Variants in SAMTOR observed in about 807,000 individuals in gnomAD.
SAMTOR encodes S-adenosylmethionine sensor upstream of mTORC1.
chr7:112,823,973 G>A, the SAMTOR span, among the ~76,000 whole-genome samples: 1 of 152,168 alleles, frequency 6.6e-6, no homozygotes, highest in Middle Eastern at 3.2e-3. Flanking sequence ...CTATGTTAAA[G>A]TGTCTGTTCA....
the SAMTOR span, among the ~76,000 whole-genome samples, chr7:112,898,809 T>TG: frequency 1.3e-5 from 2 of 152,208 alleles, no homozygotes; most frequent in African/African-American, 4.8e-5. Context: ...ACTTCTCCCT[T>TG]ATCTTCAAGT....
At chr7:112,890,248 G>A in the SAMTOR span, among the ~76,000 whole-genome samples, 6 of 152,152 alleles carry the variant, frequency 3.9e-5, no homozygotes, top group South Asian at 2.1e-4. Flanking sequence ...CTGGAAGAGG[G>A]TGGAAGCCTT....
the SAMTOR span, among the ~76,000 whole-genome samples, chr7:112,890,232 A>G: frequency 6.6e-6 from 1 of 152,198 alleles, no homozygotes; most frequent in South Asian, 2.1e-4. Context: ...ATCAAGACGC[A>G]CTCTACTGGA....
the SAMTOR span, among the ~76,000 whole-genome samples, chr7:112,906,256 G>A: frequency 4.0e-4 from 61 of 152,280 alleles, 1 homozygote; most frequent in Middle Eastern, 6.8e-3. Context: ...GTAGGCCACT[G>A]TAACACAATT....
chr7:112,877,979 C>A, the SAMTOR span, among the ~76,000 whole-genome samples: 1 of 152,162 alleles, frequency 6.6e-6, no homozygotes. Context: ...AATTAAACCT[C>A]TTTTCTTGTA....
the SAMTOR span, among the ~76,000 whole-genome samples, chr7:112,919,399 A>G: frequency 6.6e-6 from 1 of 152,200 alleles, no homozygotes; most frequent in East Asian, 1.9e-4. Flanking sequence ...TTTGAAACCA[A>G]CGAGAACAAA....
chr7:112,939,696 G>A, the SAMTOR span: 1 of 1,611,996 alleles, frequency 6.2e-7, no homozygotes, highest in South Asian at 1.1e-5. Flanking sequence ...GGAGTGTTCG[G>A]GGACCCGGCC....
At chr7:112,898,365 C>T in the SAMTOR span, among the ~76,000 whole-genome samples, 305 of 152,228 alleles carry the variant, frequency 2.0e-3, 1 homozygote, top group African/African-American at 7.0e-3. Flanking sequence ...TCACCCCTCC[C>T]CTCATTCTAG....
the SAMTOR span, among the ~76,000 whole-genome samples, chr7:112,914,968 C>T: frequency 1.1e-3 from 171 of 152,140 alleles, no homozygotes; most frequent in African/African-American, 3.8e-3. Context: ...TGGCCAGGTG[C>T]GGTGGCTCAC....
chr7:112,868,871 G>C, the SAMTOR span, among the ~76,000 whole-genome samples: 3 of 152,196 alleles, frequency 2.0e-5, no homozygotes, highest in Admixed American at 6.5e-5. Flanking sequence ...CTCCTACGTG[G>C]TTTGACTTGC....
chr7:112,877,617 T>C, the SAMTOR span, among the ~76,000 whole-genome samples: 3 of 152,166 alleles, frequency 2.0e-5, no homozygotes, highest in Non-Finnish European at 2.9e-5. Flanking sequence ...TGTAAATTTC[T>C]AGTGTATGGC....
At chr7:112,937,850 G>A in the SAMTOR span, among the ~76,000 whole-genome samples, 1 of 150,360 alleles carries the variant, frequency 6.7e-6, no homozygotes, top group African/African-American at 2.5e-5. Context: ...GAGTTCCTGT[G>A]GTTAATACTC....
the SAMTOR span, among the ~76,000 whole-genome samples, chr7:112,853,396 T>C: frequency 2.6e-4 from 39 of 152,104 alleles, no homozygotes; most frequent in African/African-American, 8.7e-4. Context: ...CAAAACAGAG[T>C]TCAAGATCGT....
the SAMTOR span, among the ~76,000 whole-genome samples, chr7:112,902,214 C>G: frequency 6.6e-6 from 1 of 151,478 alleles, no homozygotes; most frequent in African/African-American, 2.4e-5. Flanking sequence ...ACCAGCCTGA[C>G]CTACATGGAG....
At chr7:112,939,870 A>G in the SAMTOR span, 3 of 755,964 alleles carry the variant, frequency 4.0e-6, no homozygotes, top group South Asian at 1.8e-5. Context: ...GAGGAACCGG[A>G]GCGACAGCCT....
chr7:112,892,540 G>A, the SAMTOR span, among the ~76,000 whole-genome samples: 3 of 152,140 alleles, frequency 2.0e-5, no homozygotes, highest in African/African-American at 7.2e-5. Flanking sequence ...AGGCTGAGAC[G>A]GGAGGATTGC....
At chr7:112,845,493 A>G in the SAMTOR span, among the ~76,000 whole-genome samples, 1 of 152,332 alleles carries the variant, frequency 6.6e-6, no homozygotes, top group South Asian at 2.1e-4. Context: ...AAAAAAGCTC[A>G]ATATCACTGA....
the SAMTOR span, among the ~76,000 whole-genome samples, chr7:112,870,756 A>G: frequency 2.0e-5 from 3 of 151,878 alleles, no homozygotes; most frequent in Non-Finnish European, 2.9e-5. Context: ...GGATTAAAAA[A>G]AAAAAAAAAC....
chr7:112,922,675 C>T, the SAMTOR span, among the ~76,000 whole-genome samples: 1 of 151,930 alleles, frequency 6.6e-6, no homozygotes, highest in African/African-American at 2.4e-5. Context: ...AGGAGCGTCT[C>T]TGCCCGGCCG....
Sources: gnomAD v4.1 joint callset for allele counts (sites outside exome capture counted in the v4.1 genomes callset) on GRCh38, gnomAD v4.1.1 for gene constraint, MANE v1.5 for transcripts, NCBI Gene and HGNC (gene_info 2026-07-23, HGNC 2026-07-21) for gene names.